ITGB3BP: variants seen among roughly 807,000 people sequenced by gnomAD.
The protein encoded by ITGB3BP is integrin subunit beta 3 binding protein, also known as centromere protein R.
Under a neutral mutation model 29.1 loss-of-function variants are expected in ITGB3BP, and 27 were observed. That is an observed-to-expected ratio of 0.93 (90% confidence interval 0.68 to 1.28). The LOEUF is 1.28. Among genes scored for constraint, ITGB3BP ranks in the 50% most tolerant of loss-of-function variants. The pLI is 0.00. For synonymous variants in ITGB3BP, 61 were observed against 61.4 expected (o/e 0.99, Z 0.03); for missense variants, 192 against 200.2 (o/e 0.96, Z 0.25).
chr1:63,493,454 A>AACC (rs1553164337), intron 2 of ITGB3BP, among the ~76,000 whole-genome samples: 1 of 144,268 alleles, frequency 6.9e-6, no homozygotes. Context: ...ACAAACAAAC[A>AACC]AACCTGCTTG....
intron 3 of ITGB3BP, among the ~76,000 whole-genome samples, chr1:63,485,065 TTTTC>T (rs1343946518): frequency 6.6e-6 from 1 of 152,056 alleles, no homozygotes; most frequent in Non-Finnish European, 1.5e-5. Flanking sequence ...ATTTGCTTTG[TTTTC>T]TTTTTCTATT....
intron 8 of ITGB3BP, among the ~76,000 whole-genome samples, chr1:63,444,851 G>A (rs1315030039): frequency 6.6e-6 from 1 of 151,870 alleles, no homozygotes; most frequent in Admixed American, 6.6e-5. Flanking sequence ...AGGTGATTCT[G>A]GGACAAGGTA....
upstream of ITGB3BP, among the ~76,000 whole-genome samples, chr1:63,524,316 G>A (rs1646538868): frequency 1.3e-5 from 2 of 152,196 alleles, no homozygotes; most frequent in Admixed American, 6.5e-5. Context: ...CTTAATTATA[G>A]TATTACCAAT....
intron 7 of ITGB3BP, among the ~76,000 whole-genome samples, chr1:63,448,212 G>A (rs1401847144): frequency 1.4e-5 from 2 of 144,318 alleles, no homozygotes; most frequent in Non-Finnish European, 1.5e-5. Flanking sequence ...ATAGCATTAG[G>A]AGATATACCT....
intron 4 of ITGB3BP, among the ~76,000 whole-genome samples, chr1:63,464,517 C>A (rs780804087): frequency 6.6e-6 from 1 of 151,970 alleles, no homozygotes; most frequent in African/African-American, 2.4e-5. Context: ...AAATGGCCAA[C>A]CAGCAGAAGG....
upstream of ITGB3BP, chr1:63,525,520 G>A: frequency 3.7e-6 from 5 of 1,355,766 alleles, no homozygotes; most frequent in Non-Finnish European, 4.9e-6. Context: ...GGTGACATTT[G>A]TGTTTTAGTG....
intron 4 of ITGB3BP, among the ~76,000 whole-genome samples, chr1:63,456,640 A>T (rs1406990912): frequency 6.6e-6 from 1 of 152,168 alleles, no homozygotes; most frequent in African/African-American, 2.4e-5. Flanking sequence ...TATACCTTGC[A>T]TCCCTTTCCT....
Position 63,502,063 on chromosome 1 carries a change from A to G in ITGB3BP, c.48+6465T>C, listed in dbSNP as rs141265841. Among the ~76,000 whole-genome samples, 71 of 152,234 alleles carry G rather than the reference A, an allele frequency of 4.7e-4. 1 individual carries two copies. The highest frequency in any genetic ancestry group is 1.6e-3 in the African/African-American group (67 of 41,536). On this transcript the variant is annotated intron_variant, in intron 2 of 8. Coordinates refer to ENST00000271002, the MANE Select transcript of ITGB3BP (RefSeq NM_014288.5). ...ATTCTCTCTCTGAAGTGTCCTGAAA[A>G]AGACTGGGTCAAGCTGGCTTGGTAT...
chr1:63,517,880 C>T (rs1275090371), intron 1 of ITGB3BP, among the ~76,000 whole-genome samples: 1 of 152,100 alleles, frequency 6.6e-6, no homozygotes, highest in Admixed American at 6.6e-5. Context: ...TAACGTCACA[C>T]CTTGTTAATT....
chr1:63,445,794 C>A (rs893980794), intron 8 of ITGB3BP, among the ~76,000 whole-genome samples: 3 of 152,088 alleles, frequency 2.0e-5, no homozygotes, highest in Admixed American at 6.6e-5. Flanking sequence ...CATGGTCTGT[C>A]ACTGTGTTGC....
intron 2 of ITGB3BP, among the ~76,000 whole-genome samples, chr1:63,492,748 A>G (rs1260179601): frequency 2.0e-5 from 3 of 152,050 alleles, no homozygotes; most frequent in Non-Finnish European, 4.4e-5. Flanking sequence ...AGAAAAAAGC[A>G]AGGACTCAGG....
intron 7 of ITGB3BP, chr1:63,452,000 G>A (rs1458238836): frequency 6.6e-6 from 1 of 152,066 alleles, no homozygotes; most frequent in Non-Finnish European, 1.5e-5. Context: ...AGTGATAACA[G>A]TCTCCTCTAT....
In ITGB3BP at chr1:63,446,649, A is replaced by G. The variant is rs1644794518; in HGVS notation, c.*1+157T>C. On this transcript the variant is annotated intron_variant, in intron 8 of 8. Coordinates refer to ENST00000271002, the MANE Select transcript of ITGB3BP (RefSeq NM_014288.5). ...ATGCCCTCCTGTTGTTGATAAGACTAGATTAATATAAGTTCAACTAAAGCT... is the reference window on the plus strand; with the variant it reads ...ATGCCCTCCTGTTGTTGATAAGACTGGATTAATATAAGTTCAACTAAAGCT... The G allele has an allele frequency of 8.1e-6, 5 of 615,958 alleles. No homozygotes were observed. The East Asian group carries it at 1.4e-4, about 17-fold the overall frequency. The allele number at this position is 615,958 out of a possible 1,614,324, so 38.2% of individuals were successfully genotyped here. A position where few individuals can be genotyped will look rare whatever the true frequency, so the allele number is the denominator to read the frequency against.
intron 4 of ITGB3BP, among the ~76,000 whole-genome samples, chr1:63,459,056 G>A (rs1223443992): frequency 6.6e-6 from 1 of 151,336 alleles, no homozygotes; most frequent in Non-Finnish European, 1.5e-5. Context: ...ATTGCTCCTA[G>A]TCTAAGCTGT....
intron 2 of ITGB3BP, among the ~76,000 whole-genome samples, chr1:63,500,887 A>G (rs182242557): frequency 7.5e-4 from 115 of 152,322 alleles, no homozygotes; most frequent in African/African-American, 2.7e-3. Context: ...TCAAACTTAC[A>G]ATCAAAACGT....
intron 2 of ITGB3BP, among the ~76,000 whole-genome samples, chr1:63,528,919 ATCT>A (rs1487126307): frequency 1.3e-5 from 2 of 152,164 alleles, no homozygotes; most frequent in Non-Finnish European, 2.9e-5. Context: ...TATGATAAAC[ATCT>A]TTGCACACTA....
chr1:63,457,551 T>C (rs1365403163), intron 4 of ITGB3BP: 1 of 152,212 alleles, frequency 6.6e-6, no homozygotes. Context: ...CGATCTTTCA[T>C]TTCTTTCAAG....
chr1:63,472,430 C>G (rs1482627207), intron 4 of ITGB3BP, among the ~76,000 whole-genome samples: 2 of 119,286 alleles, frequency 1.7e-5, no homozygotes, highest in African/African-American at 6.2e-5. Flanking sequence ...AAAACTGATC[C>G]ACCCTCTCCC....
intron 3 of ITGB3BP, among the ~76,000 whole-genome samples, chr1:63,479,696 A>G (rs1343204750): frequency 6.6e-6 from 1 of 152,028 alleles, no homozygotes; most frequent in African/African-American, 2.4e-5. Flanking sequence ...ATCATGTGGT[A>G]TGTGTCTTTC....
Sources: allele counts gnomAD v4.1 joint callset (sites outside exome capture counted in the v4.1 genomes callset), GRCh38; gene constraint gnomAD v4.1.1; transcripts MANE v1.5; gene names NCBI Gene and HGNC (gene_info 2026-07-23, HGNC 2026-07-21).